Variants in TFEC observed in about 807,000 individuals in gnomAD.
The protein encoded by TFEC is class E basic helix-loop-helix protein 34.
In TFEC, 31 loss-of-function variants were observed where a neutral mutation model predicts 41.6. That is an observed-to-expected ratio of 0.74 (90% confidence interval 0.56 to 1.01). The LOEUF is 1.01. TFEC is among the 50% of genes least tolerant of loss of function. The pLI is 0.00. For missense variants in TFEC, 402 were observed against 404.1 expected, an observed-to-expected ratio of 0.99 and a Z score of 0.04; for synonymous variants, 143 against 140.6, an observed-to-expected ratio of 1.02 and a Z score of -0.12.
intron 3 of TFEC, among the ~76,000 whole-genome samples, chr7:116,046,220 A>G (rs1796159917): frequency 6.6e-6 from 1 of 152,118 alleles, no homozygotes. Flanking sequence ...TGAGGACATG[A>G]TATTTGGAGG....
chr7:115,956,571 G>T, intron 4 of TFEC, 108 bp downstream of exon 4: 6 of 560,770 alleles, frequency 1.1e-5, no homozygotes, highest in Non-Finnish European at 1.1e-5. Flanking sequence ...CTTCTTTTTT[G>T]TAACTGTTTT....
intron 3 of TFEC, among the ~76,000 whole-genome samples, chr7:116,073,089 T>C (rs1161795884): frequency 6.6e-6 from 1 of 151,400 alleles, no homozygotes; most frequent in Non-Finnish European, 1.5e-5. Context: ...ACATAGAAAA[T>C]CTTAAAGAAT....
At chr7:116,150,800 G>C (rs1467495278) in intron 1 of TFEC, among the ~76,000 whole-genome samples, 4 of 152,088 alleles carry the variant, frequency 2.6e-5, no homozygotes, top group African/African-American at 7.2e-5. Flanking sequence ...TTCAGAGGTA[G>C]AGTAAGGGTG....
chr7:116,010,537 G>C (rs948120857), intron 1 of TFEC, among the ~76,000 whole-genome samples: 1 of 152,142 alleles, frequency 6.6e-6, no homozygotes, highest in Non-Finnish European at 1.5e-5. Flanking sequence ...AAGATGTCCA[G>C]GAGGGGAAAT....
intron 1 of TFEC, among the ~76,000 whole-genome samples, chr7:116,028,642 A>C (rs1795674912): frequency 6.6e-6 from 1 of 152,196 alleles, no homozygotes; most frequent in Non-Finnish European, 1.5e-5. Flanking sequence ...TCCATATCAT[A>C]ATCCAGTATT....
chr7:116,075,503 A>G (rs1188530457), intron 3 of TFEC, among the ~76,000 whole-genome samples: 3 of 152,116 alleles, frequency 2.0e-5, no homozygotes, highest in Non-Finnish European at 4.4e-5. Flanking sequence ...CCTGGTCACC[A>G]GCTGCCTGGA....
intron 6 of TFEC, among the ~76,000 whole-genome samples, chr7:115,943,349 A>T (rs973375756): frequency 4.6e-5 from 7 of 151,914 alleles, no homozygotes; most frequent in Middle Eastern, 3.2e-3. Flanking sequence ...TTTAAGTAGT[A>T]GCAAAAGCCT....
intron 1 of TFEC, among the ~76,000 whole-genome samples, chr7:116,143,875 C>T (rs1022028546): frequency 6.6e-6 from 1 of 152,112 alleles, no homozygotes; most frequent in Non-Finnish European, 1.5e-5. Flanking sequence ...CTTCATTTTC[C>T]TAGGTTTTTA....
At chr7:116,094,490 C>T (rs1797404450) in intron 3 of TFEC, among the ~76,000 whole-genome samples, 1 of 151,466 alleles carries the variant, frequency 6.6e-6, no homozygotes, top group Non-Finnish European at 1.5e-5. Context: ...ACCATCCTGG[C>T]TAATATGATG....
At chr7:116,017,981 G>GTGCACAGTGTTT (rs71137147) in intron 1 of TFEC, among the ~76,000 whole-genome samples, 82,380 of 151,634 alleles carry the variant, frequency 0.54, 23,020 homozygotes, top group Non-Finnish European at 0.62. Context: ...ATCCAGTGTT[G>GTGCACAGTGTTT]GGCAAATATT....
At chr7:115,989,203 A>G (rs1490691013) in intron 1 of TFEC, among the ~76,000 whole-genome samples, 1 of 152,222 alleles carries the variant, frequency 6.6e-6, no homozygotes, top group Non-Finnish European at 1.5e-5. Flanking sequence ...ATTAAGGTAA[A>G]ATAAAATTGC....
intron 1 of TFEC, among the ~76,000 whole-genome samples, chr7:116,158,227 G>A (rs1798907538): frequency 6.6e-6 from 1 of 151,940 alleles, no homozygotes; most frequent in Non-Finnish European, 1.5e-5. Flanking sequence ...TCAGTATAAT[G>A]CTATGAAAGA....
chr7:116,134,512 T>C (rs1237342626), intron 1 of TFEC, among the ~76,000 whole-genome samples: 1 of 152,272 alleles, frequency 6.6e-6, no homozygotes, highest in East Asian at 1.9e-4. Context: ...CCCTTCCCTT[T>C]GGGTCTCTGA....
At chr7:115,945,907 T>A (rs760399238) in intron 6 of TFEC, among the ~76,000 whole-genome samples, 6 of 151,750 alleles carry the variant, frequency 4.0e-5, no homozygotes, top group Non-Finnish European at 8.8e-5. Flanking sequence ...CATGCTACAA[T>A]GCCAGAGTTA....
At chr7:116,114,749 G>A (rs796784729) in intron 1 of TFEC, among the ~76,000 whole-genome samples, 28 of 152,064 alleles carry the variant, frequency 1.8e-4, no homozygotes, top group African/African-American at 6.7e-4. Context: ...AAATGCAAGA[G>A]CGGTAAAAAA....
chr7:116,078,869 C>T (rs1164304055), intron 3 of TFEC, among the ~76,000 whole-genome samples: 3 of 151,944 alleles, frequency 2.0e-5, no homozygotes, highest in Non-Finnish European at 4.4e-5. Context: ...CAGGGAAGGA[C>T]ATAACCAAAA....
intron 1 of TFEC, among the ~76,000 whole-genome samples, chr7:115,986,731 G>A (rs1351348571): frequency 2.2e-5 from 3 of 134,484 alleles, no homozygotes; most frequent in Non-Finnish European, 4.6e-5. Flanking sequence ...GTGTGATGAA[G>A]GGGAACATCA....
At chr7:116,119,430 T>C (rs950775946) in intron 1 of TFEC, among the ~76,000 whole-genome samples, 3 of 151,716 alleles carry the variant, frequency 2.0e-5, no homozygotes, top group Admixed American at 1.3e-4. Context: ...AATAACTACA[T>C]AGAAAATCTC....
chr7:116,040,041 A>G (rs1366015485), intron 3 of TFEC, among the ~76,000 whole-genome samples: 1 of 152,156 alleles, frequency 6.6e-6, no homozygotes, highest in Non-Finnish European at 1.5e-5. Context: ...AAAGAGAGAG[A>G]GACAAAGTAT....
Sources: gnomAD v4.1 joint callset for allele counts (sites outside exome capture counted in the v4.1 genomes callset) on GRCh38, gnomAD v4.1.1 for gene constraint, MANE v1.5 for transcripts, NCBI Gene and HGNC (gene_info 2026-07-23, HGNC 2026-07-21) for gene names.